Variants in METTL21A observed in about 807,000 individuals in gnomAD.
METTL21A encodes protein N-lysine methyltransferase METTL21A.
A neutral mutation model predicts 20.9 loss-of-function variants in METTL21A; 22 were observed. The ratio of observed to expected loss-of-function variants is 1.05; its 90% CI spans 0.75 to 1.50. The LOEUF (loss-of-function observed/expected upper bound fraction) is 1.50. Among genes scored for constraint, METTL21A ranks in the 40% most tolerant of loss-of-function variants. METTL21A has a pLI of 0.00. For synonymous variants in METTL21A, 93 were observed against 102.0 expected (o/e 0.91, Z 0.53); for missense variants, 271 against 266.8 (o/e 1.02, Z -0.11).
At chr2:207,613,338 T>C (rs2089238397) in exon 4 of METTL21A, 1 of 1,614,100 alleles carries the variant, frequency 6.2e-7, no homozygotes, top group Admixed American at 1.7e-5. Flanking sequence ...CCAAGTCAGC[T>C]CCTTAACAAC....
chr2:207,591,873 G>T (rs1448856347), intron 3 of METTL21A, among the ~76,000 whole-genome samples: 4 of 152,102 alleles, frequency 2.6e-5, no homozygotes, highest in Admixed American at 2.6e-4. Flanking sequence ...AAATGGTTTA[G>T]ATCAGGGATT....
At chr2:207,593,117 C>T (rs1430089199) in intron 3 of METTL21A, among the ~76,000 whole-genome samples, 1 of 152,170 alleles carries the variant, frequency 6.6e-6, no homozygotes, top group African/African-American at 2.4e-5. Flanking sequence ...TTCTTTATCT[C>T]CATTTCCATT....
At chr2:207,616,601 T>C (rs2089779552) in intron 3 of METTL21A, among the ~76,000 whole-genome samples, 1 of 152,150 alleles carries the variant, frequency 6.6e-6, no homozygotes, top group African/African-American at 2.4e-5. Context: ...TCTCAGCACT[T>C]TGGGAGGCCA....
chr2:207,621,829 A>G (rs1412348073), exon 3 of METTL21A: 3 of 1,614,048 alleles, frequency 1.9e-6, no homozygotes, highest in Non-Finnish European at 2.5e-6. Flanking sequence ...CACTATGCCC[A>G]CCAGCCCCGT....
intron 1 of METTL21A, 93 bp from the exon 2 acceptor site, chr2:207,624,497 G>A: frequency 8.7e-7 from 1 of 1,145,150 alleles, no homozygotes; most frequent in South Asian, 2.3e-5. Context: ...TCGTTTACAA[G>A]TTCAAAAGAA....
intron 3 of METTL21A, chr2:207,598,486 TAAAAA>T (rs143222694): frequency 1.2e-4 from 21 of 168,978 alleles, no homozygotes; most frequent in East Asian, 5.9e-4. Flanking sequence ...CAGTTACTCT[TAAAAA>T]AAAAAAAAAA....
At chr2:207,615,562 G>A (rs957228268) in intron 3 of METTL21A, 1 of 152,288 alleles carries the variant, frequency 6.6e-6, no homozygotes, top group Non-Finnish European at 1.5e-5. Flanking sequence ...TGGGCATGGT[G>A]GCGCGTGCCT....
intron 3 of METTL21A, among the ~76,000 whole-genome samples, chr2:207,616,956 G>A (rs752819292): frequency 1.3e-5 from 2 of 152,188 alleles, no homozygotes; most frequent in Middle Eastern, 3.2e-3. Context: ...TTGTTTTGAA[G>A]CAAGGAAAGG....
chr2:207,607,693 T>TTTTTTTTTTTTTTTTTTTG (rs1277584868), downstream of METTL21A, among the ~76,000 whole-genome samples: 1 of 143,358 alleles, frequency 7.0e-6, no homozygotes, highest in Non-Finnish European at 1.5e-5. Context: ...ACATACATTT[T>TTTTTTTTTTTTTTTTTTTG]AACATAGCAT....
chr2:207,608,467 A>T (rs1183972009), downstream of METTL21A, among the ~76,000 whole-genome samples: 1 of 152,004 alleles, frequency 6.6e-6, no homozygotes, highest in African/African-American at 2.4e-5. Context: ...AAGGGAAAAA[A>T]GCTGCCTTCA....
At chr2:207,590,107 T>TTTA (rs1553508763) in intron 3 of METTL21A, among the ~76,000 whole-genome samples, 1 of 135,676 alleles carries the variant, frequency 7.4e-6, no homozygotes, top group East Asian at 2.1e-4. Context: ...TTTTTTTTTT[T>TTTA]AATAGATACG....
chr2:207,619,687 C>G (rs1433269240), intron 3 of METTL21A, among the ~76,000 whole-genome samples: 1 of 151,976 alleles, frequency 6.6e-6, no homozygotes, highest in Non-Finnish European at 1.5e-5. Flanking sequence ...CAAAACATAC[C>G]AAAATGCTAA....
At chr2:207,605,201 C>T (rs897196581), downstream of METTL21A, among the ~76,000 whole-genome samples, 1 of 152,142 alleles carries the variant, frequency 6.6e-6, no homozygotes, top group Non-Finnish European at 1.5e-5. Flanking sequence ...TATGAGGGTT[C>T]CAATTTCTCC....
chr2:207,599,303 T>G (rs1010145530), intron 3 of METTL21A: 1 of 207,632 alleles, frequency 4.8e-6, no homozygotes, highest in Non-Finnish European at 9.8e-6. Flanking sequence ...GTCACAAATA[T>G]GTTCACAAGT....
At chr2:207,607,693 T>TTTTTTTTTTTTTTGAG (rs1277584868), downstream of METTL21A, among the ~76,000 whole-genome samples, 4 of 143,248 alleles carry the variant, frequency 2.8e-5, no homozygotes, top group Admixed American at 7.2e-5. Context: ...ACATACATTT[T>TTTTTTTTTTTTTTGAG]AACATAGCAT....
intron 3 of METTL21A, chr2:207,597,278 A>G (rs2086333199): frequency 2.2e-6 from 1 of 452,986 alleles, no homozygotes; most frequent in Non-Finnish European, 3.8e-6. Context: ...TTTCAACGCC[A>G]GGAATCATGA....
At chr2:207,601,872 C>A (rs771728777) in intron 3 of METTL21A, 1 of 215,858 alleles carries the variant, frequency 4.6e-6, no homozygotes, top group African/African-American at 2.3e-5. Context: ...GGGAGGCTTA[C>A]ATACATCTTG....
chr2:207,587,120 G>A (rs573543984), intron 3 of METTL21A, among the ~76,000 whole-genome samples: 68 of 152,284 alleles, frequency 4.5e-4, no homozygotes, highest in African/African-American at 1.5e-3. Flanking sequence ...AGGGCCAGGC[G>A]TGGTGGCTCA....
At chr2:207,607,941 T>A (rs1392059049), downstream of METTL21A, among the ~76,000 whole-genome samples, 1 of 152,130 alleles carries the variant, frequency 6.6e-6, no homozygotes, top group South Asian at 2.1e-4. Context: ...TAGTGGACAC[T>A]GTGGTGTGCT....
Sources: gnomAD v4.1 joint callset for allele counts (sites outside exome capture counted in the v4.1 genomes callset) on GRCh38, gnomAD v4.1.1 for gene constraint, MANE v1.5 for transcripts, NCBI Gene and HGNC (gene_info 2026-07-23, HGNC 2026-07-21) for gene names.